The following ENG variants were observed in gnomAD, a reference collection of about 807,000 sequenced individuals.
The protein encoded by ENG is CD105 antigen.
ENG carries 17 observed loss-of-function variants against 71.0 expected under a neutral mutation model. That is an observed-to-expected ratio of 0.24 (90% CI 0.16 to 0.36). The LOEUF is 0.36. Among genes scored for constraint, ENG ranks in the 10% least tolerant of loss-of-function variants. The pLI is 1.00. For synonymous variants in ENG, 360 were observed against 366.9 expected (o/e 0.98, Z 0.21); for missense variants, 749 against 868.3 (o/e 0.86, Z 1.73).
intron 10 of ENG, 97 bp from the exon 11 acceptor site, chr9:127,818,929 T>C (rs1830404965): frequency 2.0e-6 from 2 of 992,958 alleles, no homozygotes. Context: ...CCTGTGGAGT[T>C]GCCTGACTCT....
At chr9:127,825,035 C>T in intron 6 of ENG, 61 bp from the exon 7 acceptor site, 1 of 1,595,890 alleles carries the variant, frequency 6.3e-7, no homozygotes, top group Non-Finnish European at 8.5e-7. Flanking sequence ...CACAGCAGGC[C>T]AGCCAGGGTT....
At chr9:127,849,179 C>A (rs559033117) in intron 1 of ENG, among the ~76,000 whole-genome samples, 1 of 152,298 alleles carries the variant, frequency 6.6e-6, no homozygotes, top group African/African-American at 2.4e-5. Flanking sequence ...TTAGACTGTG[C>A]GGTCCAACAC....
chr9:127,819,873 T>C, intron 9 of ENG, 27 bp downstream of exon 9: 1 of 1,614,194 alleles, frequency 6.2e-7, no homozygotes, highest in East Asian at 2.2e-5. Context: ...AGGCTGGTCC[T>C]GATACCTTTT....
rs1220205663 is a variant in ENG at position 127,838,217 on chromosome 9, C to T, written c.219+4877G>A. Among the ~76,000 whole-genome samples the T allele has an allele frequency of 6.6e-6, 1 of 152,150 alleles. No homozygotes were observed. Among genetic ancestry groups the T allele is most frequent in the Non-Finnish European group, 1.5e-5 (1 of 68,028 alleles). Reference sequence around the variant, plus strand: ...ATCCCTGCAGCCCTGAGAGGAGGCTCAGAGCCATTTGGGATTTTGGGGTCC... The same window carrying T: ...ATCCCTGCAGCCCTGAGAGGAGGCTTAGAGCCATTTGGGATTTTGGGGTCC... On this transcript the variant is annotated intron_variant, in intron 2 of 14. Coordinates refer to ENST00000373203, the MANE Select transcript of ENG (RefSeq NM_001114753.3). The surrounding 1 kb of genome is among the most constrained non-coding windows in gnomAD (Gnocchi z 4.3).
rs1338757635 is a variant in ENG at position 127,830,541 on chromosome 9, GGAGGCT to G, written c.220-720_220-715del. On this transcript the variant is annotated intron_variant, in intron 2 of 14. Coordinates refer to ENST00000373203, the MANE Select transcript of ENG (RefSeq NM_001114753.3). ...GGATGCCTGTAATTCCAACTACTTG[GGAGGCT>G]GAGGCAGGAGAATCTCTTGAACCCA... is the stretch of plus-strand genomic sequence containing the variant. Among the ~76,000 whole-genome samples the G allele has an allele frequency of 3.3e-5, 5 of 152,008 alleles. No individual in the cohort carries two copies. The East Asian group carries it at 9.7e-4, about 29-fold the overall frequency.
chr9:127,854,409 G>T lies in ENG; in HGVS notation c.-54C>A, dbSNP rs2296702. 5.8e-4 allele frequency: 881 copies of T among 1,530,574 alleles called. 23 individuals are homozygous for T. The East Asian group carries it at 0.019, about 32-fold the overall frequency. The allele number at this position is 1,530,574 out of a possible 1,614,324, so 94.8% of individuals were successfully genotyped here. A position where few individuals can be genotyped will look rare whatever the true frequency, so the allele number is the denominator to read the frequency against. Reference sequence around the variant, plus strand: ...GCCTTATCCTGTGTCCAGTGGCAGGGCTGCGGGCGGGCACCGGGGCCGGCG... The same window carrying T: ...GCCTTATCCTGTGTCCAGTGGCAGGTCTGCGGGCGGGCACCGGGGCCGGCG... On this transcript the variant is annotated 5_prime_UTR_variant, in exon 1 of 15. Coordinates refer to ENST00000373203, the MANE Select transcript of ENG (RefSeq NM_001114753.3).
chr9:127,818,609 C>T (rs543098629), intron 11 of ENG, 107 bp downstream of exon 11: 6 of 1,429,144 alleles, frequency 4.2e-6, no homozygotes, highest in African/African-American at 2.8e-5. Flanking sequence ...GGCTGTCTCC[C>T]TCCTGACTCT....
At position 127,854,538 on chromosome 9, in the gene ENG, G is replaced by A; in HGVS notation, c.-183C>T. On this transcript the variant is annotated 5_prime_UTR_variant, in exon 1 of 15. Coordinates refer to ENST00000373203, the MANE Select transcript of ENG (RefSeq NM_001114753.3). ...GAGGGGTCAGGAGAAGTGGACACAG[G>A]GACGCGGGGCTGGGCTGGAGTTGCT... The A allele has an allele frequency of 1.6e-6, 1 of 614,412 alleles. No individual in the cohort carries two copies. Among genetic ancestry groups the A allele is most frequent in the Non-Finnish European group, 2.8e-6 (1 of 356,316 alleles). 38.1% of individuals were successfully genotyped at this position (614,412 alleles called of 1,614,324 possible). A position where few individuals can be genotyped will look rare whatever the true frequency, so the allele number is the denominator to read the frequency against.
intron 2 of ENG, 131 bp downstream of exon 2, chr9:127,842,963 A>T (rs1588596625): frequency 7.0e-7 from 1 of 1,420,206 alleles, no homozygotes; most frequent in East Asian, 2.3e-5. Flanking sequence ...TGCCCACATC[A>T]CTCTCTTGGC....
At chr9:127,825,981 A>G in intron 4 of ENG, 121 bp from the exon 5 acceptor site, 1 of 1,315,250 alleles carries the variant, frequency 7.6e-7, no homozygotes, top group Non-Finnish European at 1.1e-6. Flanking sequence ...AGAGGGGGAG[A>G]GGCGTCAGAG....
chr9:127,838,437 C>T lies in ENG; in HGVS notation c.219+4657G>A, dbSNP rs544591032. Among the ~76,000 whole-genome samples the T allele has an allele frequency of 6.6e-6, 1 of 152,202 alleles. No individual in the cohort carries two copies. The highest frequency in any genetic ancestry group is 2.1e-4 in the South Asian group (1 of 4,824). On this transcript the variant is annotated intron_variant, in intron 2 of 14. Transcript: ENST00000373203. This position sits in a 1 kb window ranked among gnomAD's most constrained non-coding sequence, Gnocchi z 4.3. ...CTGTACTGCCTTCCATGGCCTCCCA[C>T]TGCCTCCCAGGACAGTCTGGGGGAG...
At chr9:127,847,057 A>T in intron 1 of ENG, 1 of 557,106 alleles carries the variant, frequency 1.8e-6, no homozygotes, top group Non-Finnish European at 2.3e-6. Context: ...TCTGAGCCTC[A>T]GTTTCCCCAT....
rs1041473521 is a variant in ENG at position 127,846,718 on chromosome 9, C to T, written c.68-3473G>A. Among the ~76,000 whole-genome samples the T allele has an allele frequency of 2.0e-5, 3 of 152,138 alleles. No individual in the cohort carries two copies. Among genetic ancestry groups the T allele is most frequent in the African/African-American group, 4.8e-5 (2 of 41,418 alleles). On this transcript the variant is annotated intron_variant, in intron 1 of 14. Coordinates refer to ENST00000373203, the MANE Select transcript of ENG (RefSeq NM_001114753.3). The surrounding 1 kb of genome is among the most constrained non-coding windows in gnomAD (Gnocchi z 5.5). Reference sequence around the variant, plus strand: ...GAGTGTGACGCCTGGGCCTGTCTCCCGGAGCCTGAGGCGGGCCCAGACCAA... The same window carrying T: ...GAGTGTGACGCCTGGGCCTGTCTCCTGGAGCCTGAGGCGGGCCCAGACCAA...
chr9:127,848,508 G>A (rs919748303), intron 1 of ENG, among the ~76,000 whole-genome samples: 15 of 152,080 alleles, frequency 9.9e-5, no homozygotes, highest in Admixed American at 3.3e-4. Flanking sequence ...GGTCTTGAAT[G>A]CCTGGCCGCA....
chr9:127,843,067 C>A (rs774201885), intron 2 of ENG, 27 bp downstream of exon 2: 73 of 1,613,410 alleles, frequency 4.5e-5, no homozygotes, highest in Non-Finnish European at 6.0e-5. Flanking sequence ...TCTGAGCCCC[C>A]ACCCGACCCT....
chr9:127,832,069 CTTTTTTTTTTTTT>C (rs1041729379), intron 2 of ENG, among the ~76,000 whole-genome samples: 1 of 83,642 alleles, frequency 1.2e-5, no homozygotes, highest in Non-Finnish European at 2.2e-5. Context: ...AGCTACCATT[CTTTTTTTTTTTTT>C]TTTTTTTTTT....
rs1375562550 is a variant in ENG at position 127,836,586 on chromosome 9, A to G, written c.219+6508T>C. On this transcript the variant is annotated intron_variant, in intron 2 of 14. Coordinates refer to ENST00000373203, the MANE Select transcript of ENG (RefSeq NM_001114753.3). The surrounding 1 kb of genome is among the most constrained non-coding windows in gnomAD (Gnocchi z 4.0). ...CAGATGGTCCTACAGGCAGGGTGGC[A>G]GGGGAAAGGATCAAAGCCAGACCAA... 2.6e-5 allele frequency among the ~76,000 whole-genome samples: 4 copies of G among 152,220 alleles called. No individual in the cohort carries two copies. Among genetic ancestry groups the G allele is most frequent in the African/African-American group, 9.6e-5 (4 of 41,466 alleles).
At chr9:127,842,827 T>TC (rs1242450167) in intron 2 of ENG, among the ~76,000 whole-genome samples, 3 of 147,116 alleles carry the variant, frequency 2.0e-5, no homozygotes, top group Non-Finnish European at 3.0e-5. Flanking sequence ...ACTCACCTGG[T>TC]CCCCCCCACC....
chr9:127,842,063 A>G (rs1180210572), intron 2 of ENG, among the ~76,000 whole-genome samples: 1 of 152,236 alleles, frequency 6.6e-6, no homozygotes, highest in African/African-American at 2.4e-5. Context: ...GGACAGACGT[A>G]TCAGACAAAC....
Sources: gnomAD v4.1 joint callset for allele counts (sites outside exome capture counted in the v4.1 genomes callset) on GRCh38, gnomAD v4.1.1 for gene constraint, Gnocchi (gnomAD v3.1) non-coding constraint, MANE v1.5 for transcripts, NCBI Gene and HGNC (gene_info 2026-07-23, HGNC 2026-07-21) for gene names.